The following RFTN1 variants were observed in gnomAD, a reference collection of about 807,000 sequenced individuals.
RFTN1 encodes the protein raftlin, lipid raft linker 1, also known as raftlin.
A neutral mutation model predicts 46.5 loss-of-function variants in RFTN1; 26 were observed. The ratio of observed to expected loss-of-function variants is 0.56; its 90% CI spans 0.41 to 0.78. RFTN1 has a LOEUF of 0.78. Among genes scored for constraint, RFTN1 ranks in the 30% least tolerant of loss-of-function variants. RFTN1 has a pLI of 0.00. For missense variants in RFTN1, 693 were observed against 718.7 expected, an observed-to-expected ratio of 0.96 and a Z score of 0.41; for synonymous variants, 261 against 284.2, an observed-to-expected ratio of 0.92 and a Z score of 0.82.
At chr3:16,416,644 A>G (rs1177167844) in intron 3 of RFTN1, among the ~76,000 whole-genome samples, 2 of 152,186 alleles carry the variant, frequency 1.3e-5, no homozygotes, top group Non-Finnish European at 2.9e-5. Context: ...CCACTCTCCT[A>G]GAGATTTTCC....
In RFTN1 at chr3:16,509,205, A is replaced by G. The variant is rs1036345706; in HGVS notation, c.-9+4237T>C. Among the ~76,000 whole-genome samples, 3 of 151,852 alleles carry G rather than the reference A, an allele frequency of 2.0e-5. No homozygotes were observed. Among genetic ancestry groups the G allele is most frequent in the Non-Finnish European group, 4.4e-5 (3 of 68,030 alleles). The stretch of plus-strand genomic sequence containing the variant: ...GACAAAATGAAAACAAACAAACAAC[A>G]ACAAAAAAAAACTAAAGAAAATGAT... On this transcript the variant is annotated intron_variant, in intron 1 of 9. Coordinates refer to ENST00000334133, the MANE Select transcript of RFTN1 (RefSeq NM_015150.2). The surrounding 1 kb of genome is among the most constrained non-coding windows in gnomAD (Gnocchi z 4.9).
In RFTN1 at chr3:16,474,817, T is replaced by A. The variant is rs2076255588; in HGVS notation, c.145+18908A>T. Among the ~76,000 whole-genome samples, 1 of 152,208 alleles carries A rather than the reference T, an allele frequency of 6.6e-6. No individual in the cohort carries two copies. The highest frequency in any genetic ancestry group is 2.4e-5 in the African/African-American group (1 of 41,442). ...AGTTGGACTCTTTCGGGACAAAGAA[T>A]ACAAGCTGCATCAGTTCTATTTCTT... On this transcript the variant is annotated intron_variant, in intron 2 of 9. Transcript: ENST00000334133. This position sits in a 1 kb window ranked among gnomAD's most constrained non-coding sequence, Gnocchi z 5.5.
chr3:16,347,814 A>T (rs1395042907), intron 7 of RFTN1: 1 of 152,252 alleles, frequency 6.6e-6, no homozygotes, highest in Non-Finnish European at 1.5e-5. Flanking sequence ...GCAATGTAAT[A>T]TTCCTCAATG....
chr3:16,389,581 T>C (rs2074298987), intron 4 of RFTN1, among the ~76,000 whole-genome samples: 1 of 152,262 alleles, frequency 6.6e-6, no homozygotes. Context: ...ATAACCCTTA[T>C]ATTCAATACT....
chr3:16,482,935 C>T (rs1021824753), intron 2 of RFTN1: 8 of 1,010,732 alleles, frequency 7.9e-6, no homozygotes, highest in Non-Finnish European at 1.2e-5. Context: ...CCAACTCTGA[C>T]CCTGGGGCCT....
chr3:16,502,087 T>C (rs994843300), intron 1 of RFTN1, among the ~76,000 whole-genome samples: 2 of 152,186 alleles, frequency 1.3e-5, no homozygotes. Context: ...TTGTTGAGCA[T>C]GCATTATTTT....
In RFTN1 at chr3:16,418,381, C is replaced by A. The variant is rs1386485179; in HGVS notation, c.333-8898G>T. On this transcript the variant is annotated intron_variant, in intron 3 of 9. Transcript: ENST00000334133. This position sits in a 1 kb window ranked among gnomAD's most constrained non-coding sequence, Gnocchi z 5.0. ...TTTGGCTCATAAATCCCTTAGATCT[C>A]TTCAAAGACCATGAGTTTAAACGAT... 6.6e-6 allele frequency among the ~76,000 whole-genome samples: 1 copy of A among 152,162 alleles called. No individual in the cohort carries two copies. The highest frequency in any genetic ancestry group is 1.5e-5 in the Non-Finnish European group (1 of 68,022).
Position 16,512,985 on chromosome 3 carries a change from G to A in RFTN1, c.-9+457C>T, listed in dbSNP as rs138648422. 6.1e-3 allele frequency: 935 copies of A among 153,246 alleles called. 5 individuals carry two copies. Among genetic ancestry groups the A allele is most frequent in the Non-Finnish European group, 0.011 (745 of 68,936 alleles). 9.5% of individuals were successfully genotyped at this position (153,246 alleles called of 1,614,324 possible). On this transcript the variant is annotated intron_variant, in intron 1 of 9. Coordinates refer to ENST00000334133, the MANE Select transcript of RFTN1 (RefSeq NM_015150.2). This position sits in a 1 kb window ranked among gnomAD's most constrained non-coding sequence, Gnocchi z 4.3. Reference sequence around the variant, plus strand: ...GCCTCCACCCTGCCCCACCCAGGCCGCGCGCACCCCGGAAACCTGGACTCC... The same window carrying A: ...GCCTCCACCCTGCCCCACCCAGGCCACGCGCACCCCGGAAACCTGGACTCC...
rs970205315 is a variant in RFTN1 at position 16,479,463 on chromosome 3, A to G, written c.145+14262T>C. 6.6e-6 allele frequency among the ~76,000 whole-genome samples: 1 copy of G among 152,226 alleles called. No homozygotes were observed. The highest frequency in any genetic ancestry group is 2.4e-5 in the African/African-American group (1 of 41,454). ...CAGTTGGATCACCAGTCTGAGGGAT[A>G]TGGAAGGCAATCCAGAAAAACCTCA... On this transcript the variant is annotated intron_variant, in intron 2 of 9. Coordinates refer to ENST00000334133, the MANE Select transcript of RFTN1 (RefSeq NM_015150.2). The surrounding 1 kb of genome is among the most constrained non-coding windows in gnomAD (Gnocchi z 5.1).
Position 16,370,170 on chromosome 3 carries a change from GCTCA to G in RFTN1, c.932_935del (p.Val311AlafsTer8). The G allele has an allele frequency of 3.7e-6, 6 of 1,614,174 alleles. No homozygotes were observed. The highest frequency in any genetic ancestry group is 5.1e-6 in the Non-Finnish European group (6 of 1,180,026). On this transcript the variant is annotated frameshift_variant, in exon 6 of 10. Transcript: ENST00000334133. LOFTEE classifies it high-confidence loss of function. This position sits in a 1 kb window ranked among gnomAD's most constrained non-coding sequence, Gnocchi z 5.5. Reference sequence around the variant, plus strand: ...GCTCTAACCAGTTGGCGTCCAAACCGCTCACTGTCTGGCCATTCTTGGAGACATG... The same window carrying G: ...GCTCTAACCAGTTGGCGTCCAAACCGCTGTCTGGCCATTCTTGGAGACATG...
rs908479350 is a variant in RFTN1 at position 16,409,580 on chromosome 3, C to T, written c.333-97G>A. The T allele has an allele frequency of 1.2e-4, 97 of 778,424 alleles. 1 individual carries two copies. The highest frequency in any genetic ancestry group is 3.6e-4 in the Middle Eastern group (1 of 2,794). 48.2% of individuals were successfully genotyped at this position (778,424 alleles called of 1,614,324 possible). ...TCACCCAGGCTGGAGTGCAATGACG[C>T]GATCTCGGCTCACTGCAACCCCCAC... On this transcript the variant is annotated intron_variant, in intron 3 of 9. Coordinates refer to ENST00000334133, the MANE Select transcript of RFTN1 (RefSeq NM_015150.2).
chr3:16,359,823 T>C, intron 6 of RFTN1, among the ~76,000 whole-genome samples: 1 of 152,178 alleles, frequency 6.6e-6, no homozygotes, highest in Admixed American at 6.5e-5. Context: ...GACCTTTTTT[T>C]TTTCATGGGG....
rs2075610355 is a variant in RFTN1 at position 16,440,993 on chromosome 3, T to C, written c.146-6956A>G. ...CATCATCACAAGGTACATCAAAAGC[T>C]TCAAGGACACATCTGCAGGTATTTG... On this transcript the variant is annotated intron_variant, in intron 2 of 9. Transcript: ENST00000334133. The surrounding 1 kb of genome is among the most constrained non-coding windows in gnomAD (Gnocchi z 4.6). 6.6e-6 allele frequency among the ~76,000 whole-genome samples: 1 copy of C among 152,220 alleles called. No individual in the cohort carries two copies. Among genetic ancestry groups the C allele is most frequent in the Non-Finnish European group, 1.5e-5 (1 of 68,036 alleles).
rs1575211603 is a variant in RFTN1 at position 16,317,133 on chromosome 3, C to T, written c.1432G>A (p.Glu478Lys). 2 of 1,613,818 alleles carry T rather than the reference C, an allele frequency of 1.2e-6. No homozygotes were observed. Among genetic ancestry groups the T allele is most frequent in the South Asian group, 1.1e-5 (1 of 91,070 alleles). The change falls in exon 10 of 10, where the codon GAG becomes AAG. Residue 478 changes from glutamate to lysine, a missense_variant. By Grantham distance (56) the Glu-to-Lys change is moderately conservative. Transcript: ENST00000334133. This position sits in a 1 kb window ranked among gnomAD's most constrained non-coding sequence, Gnocchi z 4.3. The stretch of plus-strand genomic sequence containing the variant: ...GAAGACTGGTCTTCTAAGTTCTTCT[C>T]ATTTTCTTCTGCTTGTTGTTTGTCT... ...ARDKQQAEEN[E>K]KNLEDQSSKA...
chr3:16,351,224 G>A lies in RFTN1; in HGVS notation c.1146+6708C>T, dbSNP rs1015642570. 6.6e-6 allele frequency among the ~76,000 whole-genome samples: 1 copy of A among 152,158 alleles called. No individual in the cohort carries two copies. Among genetic ancestry groups the A allele is most frequent in the African/African-American group, 2.4e-5 (1 of 41,430 alleles). On this transcript the variant is annotated intron_variant, in intron 7 of 9. Coordinates refer to ENST00000334133, the MANE Select transcript of RFTN1 (RefSeq NM_015150.2). This position sits in a 1 kb window ranked among gnomAD's most constrained non-coding sequence, Gnocchi z 5.4. ...TGCAGAATGGTTTGGGTTAGTGTCA[G>A]GCACTGGTGGAGAGATTCCTGCAGC...
intron 3 of RFTN1, among the ~76,000 whole-genome samples, chr3:16,414,836 G>A (rs1263432973): frequency 6.6e-6 from 1 of 152,192 alleles, no homozygotes; most frequent in East Asian, 1.9e-4. Flanking sequence ...TAAGCTGAGG[G>A]CATGCAAAGA....
intron 2 of RFTN1, among the ~76,000 whole-genome samples, chr3:16,464,249 A>G (rs998844540): frequency 6.6e-6 from 1 of 152,114 alleles, no homozygotes; most frequent in African/African-American, 2.4e-5. Flanking sequence ...GAGCAGCAAC[A>G]TTCCGTCCAA....
chr3:16,461,481 AC>A (rs1160922596), intron 2 of RFTN1, among the ~76,000 whole-genome samples: 3 of 152,254 alleles, frequency 2.0e-5, no homozygotes, highest in African/African-American at 7.2e-5. Flanking sequence ...GGAAACCCAC[AC>A]TAAATACCTA....
At chr3:16,463,306 T>C (rs969387164) in intron 2 of RFTN1, among the ~76,000 whole-genome samples, 4 of 152,192 alleles carry the variant, frequency 2.6e-5, no homozygotes, top group African/African-American at 7.2e-5. Flanking sequence ...ACTCCAGTTA[T>C]ACATATCTTA....
Sources: gnomAD v4.1 joint callset for allele counts (sites outside exome capture counted in the v4.1 genomes callset) on GRCh38, gnomAD v4.1.1 for gene constraint, Gnocchi (gnomAD v3.1) non-coding constraint, MANE v1.5 for transcripts, NCBI Gene and HGNC (gene_info 2026-07-23, HGNC 2026-07-21) for gene names.